UROS: variants seen among roughly 807,000 people sequenced by gnomAD.
UROS encodes uroporphyrinogen III synthase.
UROS carries 18 observed loss-of-function variants against 33.0 expected under a neutral mutation model. The observed-to-expected ratio is 0.55, with a 90% CI of 0.38 to 0.81. The LOEUF (loss-of-function observed/expected upper bound fraction) is 0.81, where lower values mean the gene tolerates loss of function less well. Ranked by LOEUF, UROS falls within the 30% of genes least tolerant of loss-of-function variation. The pLI, the probability that UROS is intolerant of heterozygous loss-of-function variation, is 0.00. For synonymous variants in UROS, 114 were observed against 121.1 expected (o/e 0.94, Z 0.38); for missense variants, 293 against 314.9 (o/e 0.93, Z 0.53).
intron 4 of UROS, 78 bp downstream of exon 4, chr10:125,814,956 T>C (rs1853165948): frequency 2.2e-5 from 33 of 1,506,166 alleles, no homozygotes; most frequent in Non-Finnish European, 2.7e-5. Flanking sequence ...GTGCAGCTGC[T>C]TCTGGAATTT....
At chr10:125,789,176 G>C (rs878980104) in intron 9 of UROS, 171 bp from the exon 10 acceptor site, 3 of 1,412,002 alleles carry the variant, frequency 2.1e-6, no homozygotes, top group Non-Finnish European at 2.9e-6. Flanking sequence ...GCTTCTGAGC[G>C]TGCAAAATAC....
At chr10:125,802,715 A>G in intron 6 of UROS, 1 of 1,363,010 alleles carries the variant, frequency 7.3e-7, no homozygotes, top group Non-Finnish European at 9.5e-7. Flanking sequence ...ATTCTAGAGA[A>G]AGCCTAGCAG....
At chr10:125,819,886 G>A (rs1853711070) in intron 1 of UROS, 1 of 152,052 alleles carries the variant, frequency 6.6e-6, no homozygotes, top group Admixed American at 6.6e-5. Context: ...GTAAAAAGAG[G>A]GCTCAACCTG....
intron 1 of UROS, among the ~76,000 whole-genome samples, chr10:125,818,728 CTCAGTT>C (rs1292158954): frequency 6.6e-6 from 1 of 152,074 alleles, no homozygotes. Flanking sequence ...TTGCCTCAGT[CTCAGTT>C]TCAGATTCCT....
intron 8 of UROS, chr10:125,795,200 C>T: frequency 1.7e-6 from 1 of 586,086 alleles, no homozygotes; most frequent in Non-Finnish European, 3.1e-6. Context: ...CTGGTGCTGC[C>T]CCAGGTCTGT....
intron 8 of UROS, 198 bp from the exon 9 acceptor site, chr10:125,795,176 C>G: frequency 1.6e-6 from 1 of 619,764 alleles, no homozygotes; most frequent in Non-Finnish European, 2.9e-6. Flanking sequence ...AAAGAGCAGG[C>G]TGCCATCAGA....
intron 1 of UROS, among the ~76,000 whole-genome samples, chr10:125,818,234 G>A (rs1213611011): frequency 6.6e-6 from 1 of 152,144 alleles, no homozygotes; most frequent in Non-Finnish European, 1.5e-5. Context: ...GGTAATCTCA[G>A]CACTTTGGCA....
chr10:125,794,369 G>A, intron 9 of UROS: 1 of 1,004,282 alleles, frequency 1.0e-6, no homozygotes, highest in Non-Finnish European at 1.2e-6. Context: ...AGTCCCTCTG[G>A]AGCCAGTTCA....
chr10:125,799,460 T>G (rs1851631129), intron 6 of UROS, among the ~76,000 whole-genome samples: 1 of 152,134 alleles, frequency 6.6e-6, no homozygotes, highest in African/African-American at 2.4e-5. Context: ...TTCCTGGGGA[T>G]CCAGTAAGAG....
At chr10:125,788,180 T>G (rs1339941760), downstream of UROS, among the ~76,000 whole-genome samples, 2 of 152,214 alleles carry the variant, frequency 1.3e-5, no homozygotes, top group African/African-American at 4.8e-5. Context: ...TAGCCTAAAC[T>G]TCAGGCTGAG....
At chr10:125,809,284 A>C (rs1383462654) in intron 5 of UROS, among the ~76,000 whole-genome samples, 3 of 152,256 alleles carry the variant, frequency 2.0e-5, no homozygotes, top group Non-Finnish European at 4.4e-5. Flanking sequence ...CCAACTTTGC[A>C]ATCAGATGGG....
chr10:125,802,051 G>A, intron 6 of UROS: 6 of 985,438 alleles, frequency 6.1e-6, no homozygotes, highest in Non-Finnish European at 7.2e-6. Flanking sequence ...AATCCCACAA[G>A]CAATGTCAAG....
At chr10:125,802,766 A>C in intron 6 of UROS, 1 of 1,426,014 alleles carries the variant, frequency 7.0e-7, no homozygotes, top group Non-Finnish European at 9.1e-7. Flanking sequence ...GGTAGGTCTG[A>C]GATGGCACGA....
chr10:125,786,973 C>T (rs964673355), downstream of UROS, among the ~76,000 whole-genome samples: 12 of 152,226 alleles, frequency 7.9e-5, no homozygotes, highest in African/African-American at 2.4e-4. Flanking sequence ...ACGCAATCGT[C>T]GAGGACACTG....
intron 1 of UROS, among the ~76,000 whole-genome samples, chr10:125,821,294 A>G (rs1853858026): frequency 6.6e-6 from 1 of 152,266 alleles, no homozygotes; most frequent in African/African-American, 2.4e-5. Flanking sequence ...GCAATGGAGT[A>G]TTATTCAGCC....
At chr10:125,785,082 G>GA (rs1443808488), downstream of UROS, 76 of 152,244 alleles carry the variant, frequency 5.0e-4, no homozygotes, top group Non-Finnish European at 9.1e-4. Context: ...GATTGTAAAA[G>GA]AAAAAATCTC....
intron 6 of UROS, among the ~76,000 whole-genome samples, chr10:125,804,026 G>C (rs978817988): frequency 5.3e-5 from 8 of 152,240 alleles, no homozygotes; most frequent in Non-Finnish European, 1.0e-4. Context: ...CAGAGCTTCT[G>C]AAACTCTTGG....
chr10:125,816,737 C>A, intron 1 of UROS: 1 of 594,794 alleles, frequency 1.7e-6, no homozygotes, highest in Non-Finnish European at 3.0e-6. Flanking sequence ...CAGTTGATAT[C>A]ACTTGGAAAG....
Position 125,812,235 on chromosome 10 carries a change from C to T in UROS, c.298G>A (p.Gly100Arg). 2 of 1,613,812 alleles carry T rather than the reference C, an allele frequency of 1.2e-6. No homozygotes were observed. Residue 100 changes from glycine to arginine, a missense_variant, in exon 5 of 10, where the codon GGA becomes AGA. Physicochemically the swap from Gly to Arg is moderately radical, Grantham distance 125. Coordinates refer to ENST00000368797, the MANE Select transcript of UROS (RefSeq NM_000375.3). Reference protein sequence around the residue: ...KWNAKSVYVVGNATASLVSKI... With the variant: ...KWNAKSVYVVRNATASLVSKI... Reference sequence around the variant, plus strand: ...TTACCTAGAGAAGCAGTAGCATTTCCAACCACATACACTGACTTGGCATTC... The same window carrying T: ...TTACCTAGAGAAGCAGTAGCATTTCTAACCACATACACTGACTTGGCATTC...
Sources: gnomAD v4.1 joint callset for allele counts (sites outside exome capture counted in the v4.1 genomes callset) on GRCh38, gnomAD v4.1.1 for gene constraint, MANE v1.5 for transcripts, NCBI Gene and HGNC (gene_info 2026-07-23, HGNC 2026-07-21) for gene names.